Variants in AGBL4 observed in about 807,000 individuals in gnomAD.
The protein encoded by AGBL4 is AGBL carboxypeptidase 4, also known as cytosolic carboxypeptidase 6.
Under a neutral mutation model 66.4 loss-of-function variants are expected in AGBL4, and 58 were observed. The observed-to-expected ratio is 0.87, with a 90% CI of 0.71 to 1.09. The LOEUF (loss-of-function observed/expected upper bound fraction) is 1.09, where lower values mean the gene tolerates loss of function less well. Ranked by LOEUF, AGBL4 falls within the 50% of genes least tolerant of loss-of-function variation. The probability of loss-of-function intolerance (pLI) is 0.00; values close to 1 mark genes in which losing one functional copy is unlikely to be tolerated. For missense variants in AGBL4, 579 were observed against 631.0 expected (o/e 0.92, Z 0.88); for synonymous variants, 234 against 222.9 (o/e 1.05, Z -0.44).
At chr1:49,569,241 G>C (rs969913056) in intron 3 of AGBL4, among the ~76,000 whole-genome samples, 150 of 152,212 alleles carry the variant, frequency 9.9e-4, no homozygotes, top group African/African-American at 3.5e-3. Context: ...GGTAGTTGGG[G>C]GCTGGGGCAG....
chr1:49,075,648 A>G (rs1644695739), intron 4 of AGBL4, among the ~76,000 whole-genome samples: 1 of 152,234 alleles, frequency 6.6e-6, no homozygotes, highest in Admixed American at 6.5e-5. Flanking sequence ...AAGATAGTGC[A>G]GGCCAGCTAT....
chr1:48,624,473 G>T (rs1410531044), intron 9 of AGBL4, among the ~76,000 whole-genome samples: 1 of 152,188 alleles, frequency 6.6e-6, no homozygotes, highest in African/African-American at 2.4e-5. Context: ...GAATAAAGGA[G>T]GCAGACAGGA....
At chr1:49,061,322 T>C (rs1328311805) in intron 4 of AGBL4, among the ~76,000 whole-genome samples, 3 of 152,100 alleles carry the variant, frequency 2.0e-5, no homozygotes, top group Admixed American at 6.5e-5. Context: ...CATAGATACA[T>C]GGGGAAGCAG....
chr1:49,672,376 T>C (rs921733354), intron 3 of AGBL4, among the ~76,000 whole-genome samples: 1 of 151,858 alleles, frequency 6.6e-6, no homozygotes, highest in Non-Finnish European at 1.5e-5. Context: ...GGAGCAGAAA[T>C]AATAACTCTT....
chr1:48,721,993 C>T (rs993654244), intron 6 of AGBL4, among the ~76,000 whole-genome samples: 25 of 152,072 alleles, frequency 1.6e-4, no homozygotes, highest in African/African-American at 5.8e-4. Flanking sequence ...AATTATGTTA[C>T]AGTTTGTGAA....
chr1:49,639,365 G>A (rs1645737569), intron 3 of AGBL4, among the ~76,000 whole-genome samples: 1 of 152,210 alleles, frequency 6.6e-6, no homozygotes, highest in East Asian at 1.9e-4. Flanking sequence ...ATACACACTT[G>A]ATACATATTA....
intron 4 of AGBL4, among the ~76,000 whole-genome samples, chr1:49,138,778 A>G (rs1454463231): frequency 1.3e-5 from 2 of 152,196 alleles, no homozygotes; most frequent in Admixed American, 6.5e-5. Context: ...CAGAGCAGAT[A>G]GTATCCAGGG....
intron 8 of AGBL4, among the ~76,000 whole-genome samples, chr1:48,636,328 G>A (rs111486802): frequency 2.4e-4 from 36 of 152,350 alleles, no homozygotes; most frequent in Non-Finnish European, 4.3e-4. Flanking sequence ...ATAGTGGTAA[G>A]TGCAGCAGTA....
At chr1:49,357,531 A>G (rs1178765140) in intron 3 of AGBL4, among the ~76,000 whole-genome samples, 1 of 152,178 alleles carries the variant, frequency 6.6e-6, no homozygotes, top group Non-Finnish European at 1.5e-5. Context: ...CACAGGTACT[A>G]GAGTAAGAAT....
intron 2 of AGBL4, among the ~76,000 whole-genome samples, chr1:49,771,342 C>G (rs1644052655): frequency 6.6e-6 from 1 of 152,026 alleles, no homozygotes; most frequent in Non-Finnish European, 1.5e-5. Flanking sequence ...AGTTTTATAA[C>G]ATTGTGGTAC....
At chr1:48,857,156 T>G (rs1647191420) in intron 6 of AGBL4, among the ~76,000 whole-genome samples, 1 of 152,200 alleles carries the variant, frequency 6.6e-6, no homozygotes, top group East Asian at 1.9e-4. Flanking sequence ...AAAATATATA[T>G]AAAGGGCTTA....
chr1:49,330,406 G>A (rs6588346), intron 3 of AGBL4, among the ~76,000 whole-genome samples: 12,178 of 152,198 alleles, frequency 0.08, 723 homozygotes, highest in East Asian at 0.16. Context: ...GTGACAGAGC[G>A]AGACTGTGTC....
chr1:49,644,602 T>C (rs1233646433), intron 3 of AGBL4, among the ~76,000 whole-genome samples: 1 of 151,176 alleles, frequency 6.6e-6, no homozygotes, highest in Non-Finnish European at 1.5e-5. Flanking sequence ...GATAACAGAG[T>C]TTTGAAAATC....
At chr1:48,634,803 T>C (rs1269338952) in intron 8 of AGBL4, among the ~76,000 whole-genome samples, 199 bp from the exon 9 acceptor site, 1 of 152,020 alleles carries the variant, frequency 6.6e-6, no homozygotes, top group Non-Finnish European at 1.5e-5. Context: ...ACTATTGCAA[T>C]TCCCACTTTG....
intron 5 of AGBL4, among the ~76,000 whole-genome samples, chr1:48,910,687 C>T (rs1360337016): frequency 2.0e-5 from 3 of 152,004 alleles, no homozygotes; most frequent in Non-Finnish European, 2.9e-5. Flanking sequence ...CCCGTGGGTG[C>T]CCCTGACCAC....
chr1:49,428,074 C>T (rs1202922043), intron 3 of AGBL4, among the ~76,000 whole-genome samples: 5 of 152,174 alleles, frequency 3.3e-5, no homozygotes, highest in Non-Finnish European at 5.9e-5. Context: ...TGTTTATAAT[C>T]CTTTAGCTAG....
chr1:49,646,476 C>T (rs888114772), intron 3 of AGBL4, among the ~76,000 whole-genome samples: 2 of 151,790 alleles, frequency 1.3e-5, no homozygotes, highest in African/African-American at 2.4e-5. Flanking sequence ...ATAAATCTGA[C>T]AAAATATGTA....
chr1:49,471,967 A>C (rs979212701), intron 3 of AGBL4: 4 of 152,130 alleles, frequency 2.6e-5, no homozygotes, highest in Middle Eastern at 3.4e-3. Flanking sequence ...TCAGTAGAGG[A>C]AATGTGGGGT....
At chr1:49,806,139 C>T (rs754408041) in intron 2 of AGBL4, among the ~76,000 whole-genome samples, 17 of 152,090 alleles carry the variant, frequency 1.1e-4, no homozygotes, top group Non-Finnish European at 2.4e-4. Context: ...CTGATGAAGG[C>T]TTAGAAGGAC....
Sources: gnomAD v4.1 joint callset for allele counts (sites outside exome capture counted in the v4.1 genomes callset) on GRCh38, gnomAD v4.1.1 for gene constraint, MANE v1.5 for transcripts, NCBI Gene and HGNC (gene_info 2026-07-23, HGNC 2026-07-21) for gene names.